The following ARHGAP32 variants were observed in gnomAD, a reference collection of about 807,000 sequenced individuals.
ARHGAP32 encodes the protein Rho GTPase activating protein 32.
A neutral mutation model predicts 186.5 loss-of-function variants in ARHGAP32; 51 were observed. The ratio of observed to expected loss-of-function variants is 0.27; its 90% CI spans 0.22 to 0.35. ARHGAP32 has a LOEUF of 0.35. ARHGAP32 is among the 10% of genes least tolerant of loss of function. The pLI, the probability that ARHGAP32 is intolerant of heterozygous loss-of-function variation, is 1.00. For synonymous variants in ARHGAP32, 950 were observed against 964.3 expected (o/e 0.99, Z 0.27); for missense variants, 2,186 against 2,623.5 (o/e 0.83, Z 3.64).
intron 2 of ARHGAP32, among the ~76,000 whole-genome samples, chr11:129,133,120 TGGAAGAGTAAGCAGGG>T (rs939367360): frequency 1.3e-5 from 2 of 151,912 alleles, no homozygotes; most frequent in African/African-American, 4.8e-5. Flanking sequence ...TTAGAGCCGG[TGGAAGAGTAAGCAGGG>T]GGAAGAGTGA....
At chr11:129,024,086 T>C (rs1473788716) in intron 11 of ARHGAP32, 1 of 985,402 alleles carries the variant, frequency 1.0e-6, no homozygotes, top group Admixed American at 6.2e-5. Context: ...GCAGCAGTTT[T>C]CTTGGCCCTG....
intron 12 of ARHGAP32, among the ~76,000 whole-genome samples, chr11:128,989,913 G>C (rs1945998784): frequency 6.6e-6 from 1 of 152,064 alleles, no homozygotes; most frequent in Non-Finnish European, 1.5e-5. Context: ...TGGCTGCATA[G>C]TATTCCATGG....
At chr11:129,218,851 T>C (rs1054115829) in intron 1 of ARHGAP32, among the ~76,000 whole-genome samples, 1 of 152,200 alleles carries the variant, frequency 6.6e-6, no homozygotes, top group Non-Finnish European at 1.5e-5. Context: ...AAGCAGACTC[T>C]GACACATTTG....
At chr11:129,098,210 A>G (rs1281440928) in intron 5 of ARHGAP32, among the ~76,000 whole-genome samples, 1 of 152,164 alleles carries the variant, frequency 6.6e-6, no homozygotes, top group Non-Finnish European at 1.5e-5. Flanking sequence ...GGTAAAATAA[A>G]TTAAAACACA....
intron 1 of ARHGAP32, among the ~76,000 whole-genome samples, chr11:129,177,884 G>A (rs1049998557): frequency 6.6e-6 from 1 of 152,172 alleles, no homozygotes; most frequent in South Asian, 2.1e-4. Flanking sequence ...GCACAAGACA[G>A]GGATGCCCTC....
chr11:129,005,483 T>C (rs1298009357), intron 11 of ARHGAP32, among the ~76,000 whole-genome samples: 1 of 152,232 alleles, frequency 6.6e-6, no homozygotes, highest in African/African-American at 2.4e-5. Context: ...GGAAAGTCTT[T>C]ACTACTTCTT....
At position 128,969,270 on chromosome 11, in the gene ARHGAP32, G is replaced by A. The variant is rs1205069133; in HGVS notation, c.5943C>T (p.Tyr1981=). ...ACTGAGTGAGGTGTTCTTCCTCCTT[G>A]TAGCAGTCTCTGGAGTGTTTCTCTG... ...SAPEKHSRDC[Y]KEEEHLTQSI... Residue 1981 remains tyrosine (Y), a synonymous_variant, in exon 23 of 23, where the codon TAC becomes TAT. Transcript: ENST00000682385. The surrounding 1 kb of genome is among the most constrained non-coding windows in gnomAD (Gnocchi z 4.8). 6.2e-7 allele frequency: 1 copy of A among 1,614,078 alleles called. No individual in the cohort carries two copies. Among genetic ancestry groups the A allele is most frequent in the African/African-American group, 1.3e-5 (1 of 74,934 alleles).
At chr11:129,267,395 G>A (rs1412862688) in intron 1 of ARHGAP32, among the ~76,000 whole-genome samples, 1 of 140,330 alleles carries the variant, frequency 7.1e-6, no homozygotes, top group South Asian at 2.1e-4. Flanking sequence ...AACAAACTCA[G>A]AGGAATCTGA....
chr11:129,126,094 C>A, intron 2 of ARHGAP32: 2 of 263,836 alleles, frequency 7.6e-6, no homozygotes, highest in East Asian at 1.2e-4. Flanking sequence ...TATACCCTAT[C>A]ATACTAGAAA....
chr11:129,004,045 G>A (rs1419185672), intron 11 of ARHGAP32, among the ~76,000 whole-genome samples: 2 of 151,740 alleles, frequency 1.3e-5, no homozygotes, highest in Non-Finnish European at 2.9e-5. Context: ...TATCCCATAG[G>A]TTTTGGTATG....
intron 1 of ARHGAP32, among the ~76,000 whole-genome samples, chr11:129,238,756 A>AACACACACACACACACACACAC (rs71057936): frequency 2.0e-5 from 3 of 148,392 alleles, no homozygotes; most frequent in South Asian, 2.2e-4. Context: ...ACTTATTTTA[A>AACACACACACACACACACACAC]ACACACACAC....
At chr11:129,098,354 T>A (rs1941791580) in intron 5 of ARHGAP32, among the ~76,000 whole-genome samples, 1 of 152,210 alleles carries the variant, frequency 6.6e-6, no homozygotes, top group African/African-American at 2.4e-5. Flanking sequence ...CTAAATGATT[T>A]AAGAGACTAA....
Position 129,021,337 on chromosome 11 carries a change from C to T in ARHGAP32, c.1045+19591G>A, listed in dbSNP as rs556604434. ...GCCACAAACTGCTTCTTCAGAATAT[C>T]CAGCACAACTCATGTTGAATGGCAT... On this transcript the variant is annotated intron_variant, in intron 11 of 22. Coordinates refer to ENST00000682385, the MANE Select transcript of ARHGAP32 (RefSeq NM_001378024.1). Among the ~76,000 whole-genome samples, 5 of 152,082 alleles carry T rather than the reference C, an allele frequency of 3.3e-5. No homozygotes were observed. In the South Asian group the frequency reaches 8.3e-4, roughly 25 times the overall value.
chr11:129,032,109 A>G (rs545748356), intron 11 of ARHGAP32, among the ~76,000 whole-genome samples: 2 of 152,318 alleles, frequency 1.3e-5, no homozygotes, highest in African/African-American at 4.8e-5. Flanking sequence ...TGGACCCCAG[A>G]CAAGGACTTG....
intron 6 of ARHGAP32, among the ~76,000 whole-genome samples, chr11:129,086,746 G>A (rs1483370334): frequency 4.6e-5 from 7 of 151,170 alleles, no homozygotes; most frequent in East Asian, 1.9e-4. Context: ...GCGTGAACCC[G>A]GGAGGCAGAG....
intron 10 of ARHGAP32, among the ~76,000 whole-genome samples, chr11:129,054,805 G>C (rs1367741418): frequency 6.6e-6 from 1 of 152,166 alleles, no homozygotes; most frequent in Non-Finnish European, 1.5e-5. Flanking sequence ...AAAAAACACA[G>C]ATTTCAAAAT....
chr11:129,119,939 C>T (rs905503587), intron 5 of ARHGAP32, among the ~76,000 whole-genome samples: 2 of 152,066 alleles, frequency 1.3e-5, no homozygotes, highest in African/African-American at 4.8e-5. Flanking sequence ...TAAGGGTACA[C>T]TCTGTAAATC....
At chr11:128,991,837 T>C (rs1184863796) in intron 12 of ARHGAP32, among the ~76,000 whole-genome samples, 1 of 152,166 alleles carries the variant, frequency 6.6e-6, no homozygotes, top group Admixed American at 6.5e-5. Context: ...CTAAAAGAAG[T>C]AGGAAGTAAG....
At chr11:129,062,491 G>T in intron 9 of ARHGAP32, 134 bp from the exon 10 acceptor site, 1 of 574,908 alleles carries the variant, frequency 1.7e-6, no homozygotes, top group Non-Finnish European at 2.9e-6. Flanking sequence ...TCCAAAAAAA[G>T]TACCATTTCT....
Sources: gnomAD v4.1 joint callset for allele counts (sites outside exome capture counted in the v4.1 genomes callset) on GRCh38, gnomAD v4.1.1 for gene constraint, Gnocchi (gnomAD v3.1) non-coding constraint, MANE v1.5 for transcripts, NCBI Gene and HGNC (gene_info 2026-07-23, HGNC 2026-07-21) for gene names.